The following MTHFD2L variants were observed in gnomAD, a reference collection of about 807,000 sequenced individuals.
MTHFD2L encodes bifunctional methylenetetrahydrofolate dehydrogenase/cyclohydrolase 2, mitochondrial.
MTHFD2L carries 29 observed loss-of-function variants against 34.9 expected under a neutral mutation model. The ratio of observed to expected loss-of-function variants is 0.83; its 90% CI spans 0.62 to 1.13. The LOEUF is 1.13. MTHFD2L is among the 50% of genes most tolerant of loss of function. The pLI, the probability that MTHFD2L is intolerant of heterozygous loss-of-function variation, is 0.00. For missense variants in MTHFD2L, 481 were observed against 446.5 expected (o/e 1.08, Z -0.70); for synonymous variants, 167 against 155.7 (o/e 1.07, Z -0.54).
intron 1 of MTHFD2L, among the ~76,000 whole-genome samples, chr4:74,143,938 T>A (rs1353409382): frequency 6.6e-6 from 1 of 152,192 alleles, no homozygotes; most frequent in Non-Finnish European, 1.5e-5. Context: ...AATTTTGTTT[T>A]TGAGTATGAA....
chr4:74,140,293 A>G (rs1035847385), intron 1 of MTHFD2L: 1 of 155,952 alleles, frequency 6.4e-6, no homozygotes, highest in Non-Finnish European at 1.4e-5. Context: ...CAACAGAGTG[A>G]GATCCTGTCT....
At chr4:74,248,235 G>A (rs1265449647) in intron 6 of MTHFD2L, among the ~76,000 whole-genome samples, 1 of 151,956 alleles carries the variant, frequency 6.6e-6, no homozygotes. Flanking sequence ...AGGAATTTAT[G>A]CATTTCTTCT....
chr4:74,282,029 T>G (rs1284738221), intron 7 of MTHFD2L, among the ~76,000 whole-genome samples: 2 of 152,088 alleles, frequency 1.3e-5, no homozygotes, highest in African/African-American at 4.8e-5. Flanking sequence ...AGTCAGTGTT[T>G]TTCACTTGTG....
At chr4:74,185,356 A>G (rs1050043657) in intron 3 of MTHFD2L, among the ~76,000 whole-genome samples, 1 of 151,964 alleles carries the variant, frequency 6.6e-6, no homozygotes, top group Non-Finnish European at 1.5e-5. Flanking sequence ...ACAGCACTAA[A>G]CACATATCTT....
At chr4:74,180,534 T>C (rs1442101052) in intron 3 of MTHFD2L, among the ~76,000 whole-genome samples, 1 of 152,142 alleles carries the variant, frequency 6.6e-6, no homozygotes, top group Non-Finnish European at 1.5e-5. Context: ...ATTATAATTC[T>C]AATGTTTGAA....
intron 7 of MTHFD2L, among the ~76,000 whole-genome samples, chr4:74,282,919 A>G (rs556835873): frequency 6.6e-6 from 1 of 152,264 alleles, no homozygotes; most frequent in Admixed American, 6.5e-5. Context: ...TTAATCTTCC[A>G]TGTTCAATCA....
intron 6 of MTHFD2L, among the ~76,000 whole-genome samples, chr4:74,232,518 A>G (rs1485852711): frequency 6.6e-6 from 1 of 152,102 alleles, no homozygotes; most frequent in East Asian, 1.9e-4. Flanking sequence ...TTACTAAGTA[A>G]GCAAAGCTTC....
chr4:74,211,088 G>C (rs1736230566), intron 5 of MTHFD2L, among the ~76,000 whole-genome samples: 1 of 152,042 alleles, frequency 6.6e-6, no homozygotes. Context: ...TTGGGCTGTG[G>C]TGACAGGGTT....
At chr4:74,127,250 C>CTT (rs1722148558) in intron 1 of MTHFD2L, among the ~76,000 whole-genome samples, 1 of 152,118 alleles carries the variant, frequency 6.6e-6, no homozygotes, top group South Asian at 2.1e-4. Flanking sequence ...AAATACTTTT[C>CTT]TTTGTGCCAG....
chr4:74,184,484 A>G (rs1247188027), intron 3 of MTHFD2L, among the ~76,000 whole-genome samples: 1 of 152,214 alleles, frequency 6.6e-6, no homozygotes, highest in Non-Finnish European at 1.5e-5. Context: ...CAACCTTAAT[A>G]TCTTATATAC....
chr4:74,244,460 G>A (rs1483292405), intron 6 of MTHFD2L, among the ~76,000 whole-genome samples: 2 of 152,164 alleles, frequency 1.3e-5, no homozygotes, highest in African/African-American at 4.8e-5. Context: ...GCCATAGTTT[G>A]ATTTCAAGCA....
chr4:74,221,185 C>G (rs1272416734), intron 5 of MTHFD2L, among the ~76,000 whole-genome samples: 1 of 147,392 alleles, frequency 6.8e-6, no homozygotes, highest in Non-Finnish European at 1.5e-5. Context: ...AAATTATAGT[C>G]TATCTAATTA....
chr4:74,174,834 T>C, intron 2 of MTHFD2L, 144 bp downstream of exon 2: 1 of 591,400 alleles, frequency 1.7e-6, no homozygotes. Flanking sequence ...TTACCAAAGC[T>C]TATGTTAATT....
At chr4:74,287,160 A>T (rs1288673782) in intron 7 of MTHFD2L, among the ~76,000 whole-genome samples, 1 of 152,202 alleles carries the variant, frequency 6.6e-6, no homozygotes, top group East Asian at 1.9e-4. Context: ...CTACTCCTCT[A>T]GCGCAACTGA....
chr4:74,189,485 CTTTT>C (rs55665552), intron 3 of MTHFD2L, among the ~76,000 whole-genome samples: 8,087 of 119,912 alleles, frequency 0.067, 413 homozygotes, highest in African/African-American at 0.11. Context: ...GTTTTTCTTC[CTTTT>C]TTTTTTTTTT....
At chr4:74,157,996 A>G (rs547231998), upstream of MTHFD2L, 1 of 1,282,590 alleles carries the variant, frequency 7.8e-7, no homozygotes, top group African/African-American at 1.5e-5. Context: ...TCTTTACCCC[A>G]CTCTGCGTGT....
At chr4:74,284,975 T>G (rs1747972641) in intron 7 of MTHFD2L, among the ~76,000 whole-genome samples, 1 of 151,972 alleles carries the variant, frequency 6.6e-6, no homozygotes, top group Non-Finnish European at 1.5e-5. Context: ...ATTAAGAAAA[T>G]GTGGCACATA....
intron 3 of MTHFD2L, among the ~76,000 whole-genome samples, chr4:74,185,825 T>A (rs1452851814): frequency 1.3e-5 from 2 of 152,190 alleles, no homozygotes; most frequent in East Asian, 3.8e-4. Flanking sequence ...TGGTGAATTT[T>A]ACCAAATATT....
In MTHFD2L at chr4:74,137,645, T is replaced by C. The variant is rs78275598; in HGVS notation, c.-297+12128T>C. On this transcript the variant is annotated intron_variant, in intron 1 of 7. Coordinates refer to the MTHFD2L transcript ENST00000433372. Reference sequence around the variant, plus strand: ...TTAAAAAATCAATATATCAAGAAGATATCTGCATTCCCATGTTTACTGCTG... The same window carrying C: ...TTAAAAAATCAATATATCAAGAAGACATCTGCATTCCCATGTTTACTGCTG... 7.0e-4 allele frequency among the ~76,000 whole-genome samples: 107 copies of C among 152,302 alleles called. 1 individual carries two copies. The highest frequency in any genetic ancestry group is 3.4e-3 in the Middle Eastern group (1 of 294).
Sources: gnomAD v4.1 joint callset for allele counts (sites outside exome capture counted in the v4.1 genomes callset) on GRCh38, gnomAD v4.1.1 for gene constraint, MANE v1.5 for transcripts, NCBI Gene and HGNC (gene_info 2026-07-23, HGNC 2026-07-21) for gene names.